The following SYT1 variants were observed in gnomAD, a reference collection of about 807,000 sequenced individuals.
SYT1 encodes synaptotagmin-1.
Under a neutral mutation model 44.8 loss-of-function variants are expected in SYT1, and 8 were observed. That is an observed-to-expected ratio of 0.18 (90% confidence interval 0.10 to 0.32). The LOEUF (loss-of-function observed/expected upper bound fraction) is 0.32. Ranked by LOEUF, SYT1 falls within the 10% of genes least tolerant of loss-of-function variation. The pLI is 1.00. For missense variants in SYT1, 286 were observed against 509.3 expected (o/e 0.56, Z 4.22); for synonymous variants, 154 against 188.8 (o/e 0.82, Z 1.51).
chr12:79,252,308 A>G (rs920967215), intron 4 of SYT1, among the ~76,000 whole-genome samples: 9 of 152,156 alleles, frequency 5.9e-5, no homozygotes, highest in African/African-American at 2.2e-4. Flanking sequence ...TTGACATTCA[A>G]TAATTTTAAG....
intron 4 of SYT1, among the ~76,000 whole-genome samples, chr12:79,260,303 C>T (rs1348707685): frequency 6.6e-6 from 1 of 152,170 alleles, no homozygotes; most frequent in South Asian, 2.1e-4. Flanking sequence ...CATGCACACA[C>T]AACTTCAGAA....
At chr12:78,898,553 C>T (rs961152279) in intron 1 of SYT1, among the ~76,000 whole-genome samples, 2 of 152,006 alleles carry the variant, frequency 1.3e-5, no homozygotes, top group African/African-American at 2.4e-5. Flanking sequence ...TAGTAATAGA[C>T]CAACAATCCA....
chr12:78,904,302 A>G (rs1875833330), intron 1 of SYT1, among the ~76,000 whole-genome samples: 1 of 152,132 alleles, frequency 6.6e-6, no homozygotes, highest in Non-Finnish European at 1.5e-5. Context: ...GTTACATGTG[A>G]TTTATCCATT....
At chr12:78,971,246 C>G (rs139063966) in intron 1 of SYT1, among the ~76,000 whole-genome samples, 1 of 152,010 alleles carries the variant, frequency 6.6e-6, no homozygotes, top group Non-Finnish European at 1.5e-5. Context: ...CCTTTCTTAA[C>G]CAAATTTATC....
intron 3 of SYT1, among the ~76,000 whole-genome samples, chr12:79,208,825 A>C (rs1235877723): frequency 6.6e-6 from 1 of 152,194 alleles, no homozygotes; most frequent in African/African-American, 2.4e-5. Flanking sequence ...TTCTTAAAGT[A>C]AACCTAAGAA....
chr12:79,285,681 C>A, intron 4 of SYT1, 106 bp from the exon 5 acceptor site: 1 of 807,454 alleles, frequency 1.2e-6, no homozygotes. Flanking sequence ...ATAACAGGTG[C>A]TCAAAAATGC....
At chr12:79,174,512 A>G (rs552364623) in intron 3 of SYT1, among the ~76,000 whole-genome samples, 1 of 152,178 alleles carries the variant, frequency 6.6e-6, no homozygotes, top group African/African-American at 2.4e-5. Flanking sequence ...ACAATGTGCA[A>G]TAAAATGTAG....
intron 2 of SYT1, among the ~76,000 whole-genome samples, chr12:79,003,264 C>G (rs928306585): frequency 6.6e-6 from 1 of 151,738 alleles, no homozygotes; most frequent in South Asian, 2.1e-4. Context: ...TCTCCTAGAC[C>G]TAGTCCCTTG....
At chr12:79,363,651 C>T (rs1468111493) in intron 9 of SYT1, among the ~76,000 whole-genome samples, 1 of 151,646 alleles carries the variant, frequency 6.6e-6, no homozygotes, top group Non-Finnish European at 1.5e-5. Flanking sequence ...GAGAAGATCT[C>T]TCAAGCCCAG....
chr12:79,027,768 A>G (rs1354390284), intron 2 of SYT1, among the ~76,000 whole-genome samples: 1 of 151,618 alleles, frequency 6.6e-6, no homozygotes, highest in Non-Finnish European at 1.5e-5. Context: ...AAGAAGCTTT[A>G]TTAAGATACA....
At position 79,451,499 on chromosome 12, in the gene SYT1, C is replaced by G. The variant is rs953399998; in HGVS notation, c.*2375C>G. ...AACCACACTTTCAAACAAGCAGGTT[C>G]AAGCTGCTGAATAGACATTATTTCT... On this transcript the variant is annotated 3_prime_UTR_variant, in exon 11 of 11. Coordinates refer to ENST00000261205, the MANE Select transcript of SYT1 (RefSeq NM_005639.3). 1.3e-5 allele frequency: 2 copies of G among 152,214 alleles called. No homozygotes were observed. Among genetic ancestry groups the G allele is most frequent in the African/African-American group, 4.8e-5 (2 of 41,450 alleles). The allele number at this position is 152,214 out of a possible 1,614,324, so 9.4% of individuals were successfully genotyped here. A position where few individuals can be genotyped will look rare whatever the true frequency, so the allele number is the denominator to read the frequency against.
chr12:79,226,343 C>T (rs1918189), intron 4 of SYT1, among the ~76,000 whole-genome samples: 109,085 of 152,022 alleles, frequency 0.72, 39,756 homozygotes, highest in African/African-American at 0.81. Context: ...AGTAGGAAAG[C>T]AATCAGCTGG....
intron 3 of SYT1, among the ~76,000 whole-genome samples, chr12:79,055,529 G>T (rs1314726774): frequency 2.6e-5 from 4 of 151,904 alleles, no homozygotes; most frequent in African/African-American, 9.7e-5. Context: ...GTTTTGCCTT[G>T]GGTTGCATTA....
chr12:79,126,976 G>T (rs1868483894), intron 3 of SYT1, among the ~76,000 whole-genome samples: 1 of 152,170 alleles, frequency 6.6e-6, no homozygotes, highest in Admixed American at 6.5e-5. Flanking sequence ...CTCCTATGTA[G>T]GACCATAGCC....
intron 1 of SYT1, among the ~76,000 whole-genome samples, chr12:78,916,801 T>C (rs1205484049): frequency 6.6e-6 from 1 of 152,056 alleles, no homozygotes; most frequent in Non-Finnish European, 1.5e-5. Context: ...AGAGCACTTT[T>C]AGTTTCACAG....
At chr12:79,181,150 C>T (rs559334591) in intron 3 of SYT1, among the ~76,000 whole-genome samples, 22 of 152,032 alleles carry the variant, frequency 1.4e-4, no homozygotes, top group Non-Finnish European at 3.1e-4. Flanking sequence ...TTGGGTATGT[C>T]TTTATTAACA....
chr12:79,107,888 T>C (rs888127211), intron 3 of SYT1, among the ~76,000 whole-genome samples: 1 of 151,964 alleles, frequency 6.6e-6, no homozygotes, highest in African/African-American at 2.4e-5. Flanking sequence ...TAAAGCTTCA[T>C]TTAAAAAACA....
chr12:78,875,744 A>AT (rs1874033427), intron 1 of SYT1, among the ~76,000 whole-genome samples: 1 of 151,654 alleles, frequency 6.6e-6, no homozygotes, highest in Non-Finnish European at 1.5e-5. Context: ...ATATGCTTAC[A>AT]TTTTTTATGG....
chr12:79,300,789 T>TTATATATATATATATATATATATATA (rs56934430), intron 8 of SYT1, among the ~76,000 whole-genome samples: 3 of 89,624 alleles, frequency 3.3e-5, no homozygotes, highest in African/African-American at 4.1e-5. Flanking sequence ...TGTATACTTA[T>TTATATATATATATATATATATATATA]TATATATATA....
Sources: gnomAD v4.1 joint callset for allele counts (sites outside exome capture counted in the v4.1 genomes callset) on GRCh38, gnomAD v4.1.1 for gene constraint, MANE v1.5 for transcripts, NCBI Gene and HGNC (gene_info 2026-07-23, HGNC 2026-07-21) for gene names.